The following REEP3 variants were observed in gnomAD, a reference collection of about 807,000 sequenced individuals.
REEP3 encodes the protein receptor accessory protein 3.
Under a neutral mutation model 41.3 loss-of-function variants are expected in REEP3, and 20 were observed. The observed-to-expected ratio is 0.48, with a 90% CI of 0.34 to 0.70. The LOEUF (loss-of-function observed/expected upper bound fraction) is 0.70. Among genes scored for constraint, REEP3 ranks in the 30% least tolerant of loss-of-function variants. The probability of loss-of-function intolerance (pLI) is 0.01; values close to 1 mark genes in which losing one functional copy is unlikely to be tolerated. For missense variants in REEP3, 271 were observed against 308.8 expected, an observed-to-expected ratio of 0.88 and a Z score of 0.92; for synonymous variants, 104 against 101.8, an observed-to-expected ratio of 1.02 and a Z score of -0.13.
chr10:63,604,787 G>C (rs752317857), intron 5 of REEP3, among the ~76,000 whole-genome samples: 1 of 152,108 alleles, frequency 6.6e-6, no homozygotes, highest in Non-Finnish European at 1.5e-5. Flanking sequence ...TTTTTTTAGT[G>C]CTGATTCCAC....
chr10:63,616,006 C>A (rs1040211328), intron 6 of REEP3, among the ~76,000 whole-genome samples: 1 of 152,146 alleles, frequency 6.6e-6, no homozygotes. Flanking sequence ...TTTTCCAAAG[C>A]GCAAGAAGAA....
At chr10:63,587,182 A>T (rs1369298238) in intron 2 of REEP3, among the ~76,000 whole-genome samples, 1 of 152,182 alleles carries the variant, frequency 6.6e-6, no homozygotes, top group African/African-American at 2.4e-5. Flanking sequence ...TTGCCAAGGG[A>T]TCACAATAAT....
chr10:63,579,564 A>C (rs1955930296), intron 2 of REEP3, among the ~76,000 whole-genome samples: 1 of 152,222 alleles, frequency 6.6e-6, no homozygotes, highest in African/African-American at 2.4e-5. Context: ...TAGCTAGCCA[A>C]CTCACAGCTG....
At chr10:63,610,582 A>AAC in intron 6 of REEP3, among the ~76,000 whole-genome samples, 1 of 151,818 alleles carries the variant, frequency 6.6e-6, no homozygotes, top group Non-Finnish European at 1.5e-5. Flanking sequence ...GTAAAATTAA[A>AAC]ATATATATAT....
At position 63,599,165 on chromosome 10, in the gene REEP3, C is replaced by T. The variant is rs1477302627; in HGVS notation, c.304-5C>T. On this transcript the variant is annotated splice_polypyrimidine_tract_variant and splice_region_variant and intron_variant, in intron 4 of 7. Transcript: ENST00000373758. ...AAAACTAACATCTGTGGCTTTTTCC[C>T]CCAGGAGATTGATGATTATATTGTA... is the stretch of plus-strand genomic sequence containing the variant. 5.4e-6 allele frequency: 8 copies of T among 1,486,442 alleles called. No individual in the cohort carries two copies. The highest frequency in any genetic ancestry group is 7.4e-6 in the Non-Finnish European group (8 of 1,087,466). The allele number at this position is 1,486,442 out of a possible 1,614,324, so 92.1% of individuals were successfully genotyped here.
chr10:63,576,974 C>A (rs1451575228), intron 2 of REEP3, among the ~76,000 whole-genome samples: 1 of 152,178 alleles, frequency 6.6e-6, no homozygotes, highest in Non-Finnish European at 1.5e-5. Context: ...AGAACTTCAA[C>A]CTGTGAATTT....
At chr10:63,566,634 T>G (rs747260003) in intron 2 of REEP3, among the ~76,000 whole-genome samples, 1 of 152,206 alleles carries the variant, frequency 6.6e-6, no homozygotes, top group Non-Finnish European at 1.5e-5. Context: ...ATTGAATAGG[T>G]CTTGATTTAG....
Position 63,594,587 on chromosome 10 carries a change from G to T in REEP3, c.106-191G>T, listed in dbSNP as rs556329296. On this transcript the variant is annotated intron_variant, in intron 2 of 7. Coordinates refer to ENST00000373758, the MANE Select transcript of REEP3 (RefSeq NM_001001330.3). ...AAGACTGTTGATGTAGTAATGTAAAGAACTCAAACATAAAACCTGTTGAAA... is the reference window on the plus strand; with the variant it reads ...AAGACTGTTGATGTAGTAATGTAAATAACTCAAACATAAAACCTGTTGAAA... Among the ~76,000 whole-genome samples the T allele has an allele frequency of 3.3e-5, 5 of 152,146 alleles. No individual in the cohort carries two copies. In the South Asian group the frequency reaches 8.3e-4, roughly 25 times the overall value.
chr10:63,574,843 A>ATT (rs1955883304), intron 2 of REEP3, among the ~76,000 whole-genome samples: 5 of 125,012 alleles, frequency 4.0e-5, no homozygotes, highest in African/African-American at 1.6e-4. Context: ...TGAGAGGTCA[A>ATT]TTTCTTTTTT....
chr10:63,580,122 CGTT>C (rs532934741), intron 2 of REEP3, among the ~76,000 whole-genome samples: 12 of 151,522 alleles, frequency 7.9e-5, no homozygotes, highest in South Asian at 4.2e-4. Flanking sequence ...AGCTGGTTTT[CGTT>C]GTTGTTGTTG....
chr10:63,527,203 C>G (rs1001834235), intron 1 of REEP3, among the ~76,000 whole-genome samples: 1 of 152,126 alleles, frequency 6.6e-6, no homozygotes, highest in Non-Finnish European at 1.5e-5. Context: ...ACTTCAGCAG[C>G]TTTCCCCCTT....
chr10:63,580,150 AGGTG>A (rs1349195268), intron 2 of REEP3, among the ~76,000 whole-genome samples: 1 of 151,812 alleles, frequency 6.6e-6, no homozygotes, highest in East Asian at 1.9e-4. Context: ...TGTTGTTTTG[AGGTG>A]GGGGGGTGGT....
chr10:63,544,155 A>G (rs1338516363), intron 1 of REEP3, among the ~76,000 whole-genome samples: 5 of 152,206 alleles, frequency 3.3e-5, no homozygotes, highest in Non-Finnish European at 5.9e-5. Flanking sequence ...AAAAAATAAT[A>G]TGACTCTCTT....
intron 1 of REEP3, among the ~76,000 whole-genome samples, chr10:63,542,480 A>G (rs756657585): frequency 6.6e-6 from 1 of 152,220 alleles, no homozygotes; most frequent in Non-Finnish European, 1.5e-5. Context: ...CACAAATGTG[A>G]TATTCTGTAT....
chr10:63,551,469 C>A (rs1955628251), intron 1 of REEP3, among the ~76,000 whole-genome samples: 1 of 152,150 alleles, frequency 6.6e-6, no homozygotes, highest in Non-Finnish European at 1.5e-5. Context: ...CTCCTTAAGG[C>A]TGTACATAGT....
At chr10:63,584,430 TAAAAAAA>T (rs71463528) in intron 2 of REEP3, among the ~76,000 whole-genome samples, 14 of 129,230 alleles carry the variant, frequency 1.1e-4, no homozygotes, top group Non-Finnish European at 1.7e-4. Flanking sequence ...CCCATCTTTT[TAAAAAAA>T]AAAAAAAAAA....
intron 1 of REEP3, among the ~76,000 whole-genome samples, chr10:63,534,232 G>T (rs1955453719): frequency 6.6e-6 from 1 of 151,870 alleles, no homozygotes; most frequent in South Asian, 2.1e-4. Context: ...GTTATATCTT[G>T]AAGTATTATT....
At chr10:63,561,387 C>A (rs12245149) in intron 1 of REEP3, among the ~76,000 whole-genome samples, 71,852 of 151,890 alleles carry the variant, frequency 0.47, 17,277 homozygotes, top group Middle Eastern at 0.55. Context: ...AAAATAAAGA[C>A]CGGGAAGAAA....
chr10:63,615,548 CT>C (rs200849735), intron 6 of REEP3, among the ~76,000 whole-genome samples: 14,731 of 142,518 alleles, frequency 0.1, 789 homozygotes, highest in East Asian at 0.23. Flanking sequence ...CTAAATTAAA[CT>C]TTTTTTTTTT....
Sources: allele counts gnomAD v4.1 joint callset (sites outside exome capture counted in the v4.1 genomes callset), GRCh38; gene constraint gnomAD v4.1.1; transcripts MANE v1.5; gene names NCBI Gene and HGNC (gene_info 2026-07-23, HGNC 2026-07-21).